Variants in FANCI observed in about 807,000 individuals in gnomAD.
FANCI encodes the protein FA complementation group I, also known as Fanconi anemia group I protein.
Under a neutral mutation model 176.1 loss-of-function variants are expected in FANCI, and 156 were observed. The ratio of observed to expected loss-of-function variants is 0.89; its 90% confidence interval spans 0.78 to 1.01. FANCI has a LOEUF of 1.01. FANCI is among the 50% of genes least tolerant of loss of function. The pLI is 0.00. For missense variants in FANCI, 1,678 were observed against 1,534.1 expected (o/e 1.09, Z -1.57); for synonymous variants, 613 against 541.7 (o/e 1.13, Z -1.83).
At position 89,316,606 on chromosome 15, in the gene FANCI, A is replaced by T; in HGVS notation, c.*147A>T. The T allele has an allele frequency of 9.1e-7, 1 of 1,104,900 alleles. No individual in the cohort carries two copies. The highest frequency in any genetic ancestry group is 1.9e-5 in the Admixed American group (1 of 51,618). 68.4% of individuals were successfully genotyped at this position (1,104,900 alleles called of 1,614,324 possible). On this transcript the variant is annotated 3_prime_UTR_variant, in exon 38 of 38. Transcript: ENST00000310775. ...TTCAACTGCACCTTCAGTTAGAAGG[A>T]ATCTTCTTGGCAGGTCCTGCTACTG...
chr15:89,247,298 T>C (rs2052032493), intron 1 of FANCI, among the ~76,000 whole-genome samples: 1 of 152,212 alleles, frequency 6.6e-6, no homozygotes, highest in Admixed American at 6.5e-5. Context: ...ATACTTGATA[T>C]GCTGTTAAAT....
At chr15:89,281,930 T>C (rs2053629810) in intron 16 of FANCI, 95 bp downstream of exon 16, 2 of 1,145,528 alleles carry the variant, frequency 1.7e-6, no homozygotes, top group Admixed American at 3.4e-5. Flanking sequence ...CTGTTCACAG[T>C]GATCATGAGA....
chr15:89,297,882 C>T (rs1377551767), intron 24 of FANCI, among the ~76,000 whole-genome samples: 4 of 151,664 alleles, frequency 2.6e-5, no homozygotes, highest in African/African-American at 4.8e-5. Flanking sequence ...CTTGGGTTCC[C>T]AGGGCTTCTA....
intron 2 of FANCI, among the ~76,000 whole-genome samples, chr15:89,255,015 C>G (rs2052433170): frequency 6.6e-6 from 1 of 152,162 alleles, no homozygotes. Flanking sequence ...TTCCAACTCT[C>G]CCCAGTAATT....
intron 14 of FANCI, among the ~76,000 whole-genome samples, chr15:89,279,465 G>C (rs1042720724): frequency 2.0e-5 from 3 of 152,188 alleles, no homozygotes; most frequent in Admixed American, 6.5e-5. Flanking sequence ...GCCTGAATTT[G>C]CTGTTTTTAA....
intron 14 of FANCI, among the ~76,000 whole-genome samples, chr15:89,279,316 C>T (rs1161357479): frequency 6.6e-6 from 1 of 152,196 alleles, no homozygotes; most frequent in Non-Finnish European, 1.5e-5. Flanking sequence ...CGCTACCACA[C>T]CCAGTTAATT....
In FANCI at chr15:89,315,402, TTC is replaced by T. The variant is rs778098841; in HGVS notation, c.3924+15_3924+16del. 10 of 1,567,162 alleles carry T rather than the reference TTC, an allele frequency of 6.4e-6. No individual in the cohort carries two copies. The East Asian group carries it at 1.1e-4, about 18-fold the overall frequency. On this transcript the variant is annotated intron_variant, in intron 37 of 37. Coordinates refer to ENST00000310775, the MANE Select transcript of FANCI (RefSeq NM_001113378.2). ...TGAAAATGAAGAGGTCAGTGCTGGC[TTC>T]TGTCTGGAGCCCAGCCACTCTTCCT...
In FANCI at chr15:89,291,725, T is replaced by G. The variant is rs1019806981; in HGVS notation, c.1992+11T>G. On this transcript the variant is annotated intron_variant, in intron 20 of 37. Coordinates refer to ENST00000310775, the MANE Select transcript of FANCI (RefSeq NM_001113378.2). ...CTACAAGAACCACTGGTGAGACTTT[T>G]ATTCTTCCTTCAACCATTATTTTTA... 1.3e-6 allele frequency: 2 copies of G among 1,598,686 alleles called. No homozygotes were observed. Among genetic ancestry groups the G allele is most frequent in the African/African-American group, 1.3e-5 (1 of 74,720 alleles).
At chr15:89,253,735 T>G (rs1419465203) in intron 2 of FANCI, among the ~76,000 whole-genome samples, 1 of 145,488 alleles carries the variant, frequency 6.9e-6, no homozygotes, top group Non-Finnish European at 1.5e-5. Flanking sequence ...AAAAAATATT[T>G]GTAACGTATC....
chr15:89,286,977 CTTTTTT>C (rs543431700), intron 18 of FANCI, among the ~76,000 whole-genome samples: 11 of 86,054 alleles, frequency 1.3e-4, no homozygotes, highest in African/African-American at 3.3e-4. Flanking sequence ...TCACCTTGCA[CTTTTTT>C]TTTTTTTTTT....
chr15:89,290,251 T>C lies in FANCI; in HGVS notation c.1860T>C (p.Ala620=), dbSNP rs778662661. 70 of 1,613,892 alleles carry C rather than the reference T, an allele frequency of 4.3e-5. No homozygotes were observed. Among genetic ancestry groups the C allele is most frequent in the Non-Finnish European group, 5.8e-5 (68 of 1,179,872 alleles). The change falls in exon 19 of 38, where the codon GCT becomes GCC. Residue 620 remains alanine (A), a synonymous_variant. Transcript: ENST00000310775. ...TTCTTCGAAGGAACTCTCAGCTGGC[T>C]AATTCAGTCATGCAAACTCTGCTCT... The part of the protein sequence containing the change: ...YDVLRRNSQL[A]NSVMQTLLSQ...
At chr15:89,311,498 A>T (rs1055670644) in intron 34 of FANCI, among the ~76,000 whole-genome samples, 10 of 151,282 alleles carry the variant, frequency 6.6e-5, no homozygotes, top group Non-Finnish European at 2.9e-5. Flanking sequence ...AACAGGGTTG[A>T]TCTAAGGAGT....
chr15:89,306,176 T>TA lies in FANCI; in HGVS notation c.3520dup (p.Thr1174AsnfsTer46). ...ACTTGTGCAAAATGTACACCACACT[T>TA]ACAGCCCTTGTCAGATATGTGAGTA... On this transcript the variant is annotated frameshift_variant, in exon 32 of 38. Coordinates refer to ENST00000310775, the MANE Select transcript of FANCI (RefSeq NM_001113378.2). LOFTEE classifies it high-confidence loss of function. 1 of 1,614,132 alleles carries TA rather than the reference T, an allele frequency of 6.2e-7. No homozygotes were observed. Among genetic ancestry groups the TA allele is most frequent in the Non-Finnish European group, 8.5e-7 (1 of 1,180,002 alleles).
chr15:89,281,158 T>C lies in FANCI; in HGVS notation c.1382-12T>C. 6.2e-7 allele frequency: 1 copy of C among 1,612,858 alleles called. No homozygotes were observed. Among genetic ancestry groups the C allele is most frequent in the Non-Finnish European group, 8.5e-7 (1 of 1,179,154 alleles). On this transcript the variant is annotated splice_polypyrimidine_tract_variant and intron_variant, in intron 14 of 37. Coordinates refer to ENST00000310775, the MANE Select transcript of FANCI (RefSeq NM_001113378.2). ...TTATTTGAGACAACTGATTATAGAT[T>C]CTGTTTTTCAGACCTGCTTTCAAAT...
chr15:89,289,702 G>T (rs2053984638), intron 18 of FANCI, among the ~76,000 whole-genome samples: 1 of 151,758 alleles, frequency 6.6e-6, no homozygotes, highest in African/African-American at 2.4e-5. Context: ...GTTCCAGAAT[G>T]AAAGTTCTCC....
At position 89,264,012 on chromosome 15, in the gene FANCI, G is replaced by A. The variant is rs371255838; in HGVS notation, c.655G>A (p.Val219Ile). 6.2e-7 allele frequency: 1 copy of A among 1,613,930 alleles called. No individual in the cohort carries two copies. The highest frequency in any genetic ancestry group is 8.5e-7 in the Non-Finnish European group (1 of 1,179,964). Reference protein sequence around the residue: ...EIPPLVYQLLVLSSKGSRKSV... With the variant: ...EIPPLVYQLLILSSKGSRKSV... Reference sequence around the variant, plus strand: ...ACCACCTTTGGTCTATCAGCTTCTGGTTCTCTCCTCCAAGGTACAAATGGA... The same window carrying A: ...ACCACCTTTGGTCTATCAGCTTCTGATTCTCTCCTCCAAGGTACAAATGGA... Residue 219 changes from valine (V) to isoleucine (I), a missense_variant, in exon 8 of 38, where the codon GTT becomes ATT. Physicochemically the swap from Val to Ile is conservative, Grantham distance 29. This residue lies in a region of FANCI where 469 missense variants were observed against 436.9 expected (regional missense o/e 1.07). Transcript: ENST00000310775.
Position 89,316,651 on chromosome 15 carries a change from C to CA in FANCI, c.*194dup. 8.3e-7 allele frequency: 1 copy of CA among 1,210,186 alleles called. No individual in the cohort carries two copies. Among genetic ancestry groups the CA allele is most frequent in the East Asian group, 2.3e-5 (1 of 42,982 alleles). 75.0% of individuals were successfully genotyped at this position (1,210,186 alleles called of 1,614,324 possible). On this transcript the variant is annotated 3_prime_UTR_variant, in exon 38 of 38. Transcript: ENST00000310775. ...CTACTGAAAAATGGCTGGCCTTAGG[C>CA]AAGCCCTTTTGCAAAAAGCACAGCT...
At chr15:89,278,900 T>C (rs776644875) in intron 14 of FANCI, 126 bp downstream of exon 14, 8 of 714,654 alleles carry the variant, frequency 1.1e-5, no homozygotes, top group South Asian at 1.1e-4. Context: ...AGGATGCCAA[T>C]AAAGGAAATC....
rs114147548 is a variant in FANCI, at chr15:89,314,212, A to C, written c.3721-400A>C. Among the ~76,000 whole-genome samples the C allele has an allele frequency of 5.9e-3, 899 of 152,308 alleles. 2 individuals are homozygous for C. The highest frequency in any genetic ancestry group is 0.02 in the African/African-American group (843 of 41,538). ...CACACACACGTAGAACCTACAAATT[A>C]CAATTCACGTTAGGGGGAAAGATAT... On this transcript the variant is annotated intron_variant, in intron 35 of 37. Coordinates refer to ENST00000310775, the MANE Select transcript of FANCI (RefSeq NM_001113378.2).
Sources: allele counts gnomAD v4.1 joint callset (sites outside exome capture counted in the v4.1 genomes callset), GRCh38; gene constraint gnomAD v4.1.1; regional missense constraint gnomAD v4.1.1; transcripts MANE v1.5; gene names NCBI Gene and HGNC (gene_info 2026-07-23, HGNC 2026-07-21).